CLIP1: variants seen among roughly 807,000 people sequenced by gnomAD.
CLIP1 encodes the protein CAP-Gly domain-containing linker protein 1.
A neutral mutation model predicts 161.6 loss-of-function variants in CLIP1; 66 were observed. The observed-to-expected ratio is 0.41, with a 90% CI of 0.33 to 0.50. CLIP1 has a LOEUF of 0.50. CLIP1 is among the 20% of genes least tolerant of loss of function. The probability of loss-of-function intolerance (pLI) is 0.27; values close to 1 mark genes in which losing one functional copy is unlikely to be tolerated. For missense variants in CLIP1, 1,376 were observed against 1,702.0 expected (o/e 0.81, Z 3.37); for synonymous variants, 598 against 626.2 (o/e 0.96, Z 0.67).
In CLIP1 at chr12:122,374,465, C is replaced by CA. The variant is rs773925243; in HGVS notation, c.657+2923dup. On this transcript the variant is annotated intron_variant, in intron 3 of 25. Coordinates refer to ENST00000620786, the MANE Select transcript of CLIP1 (RefSeq NM_001247997.2). ...GAAACCCCGTCTCTACTAAAAATACCAAAAAAAAAAATTAGCAGCCAGGCG... is the reference window on the plus strand; with the variant it reads ...GAAACCCCGTCTCTACTAAAAATACCAAAAAAAAAAAATTAGCAGCCAGGCG... 4.0e-3 allele frequency among the ~76,000 whole-genome samples: 508 copies of CA among 128,086 alleles called. 2 individuals are homozygous for CA. The highest frequency in any genetic ancestry group is 6.7e-3 in the Non-Finnish European group (399 of 59,342). The allele number at this position is 128,086 out of a possible 152,430, so 84.0% of individuals were successfully genotyped here.
intron 8 of CLIP1, among the ~76,000 whole-genome samples, chr12:122,352,206 C>T (rs1330689495): frequency 2.0e-5 from 3 of 151,862 alleles, no homozygotes; most frequent in African/African-American, 4.8e-5. Flanking sequence ...TACAGGCACC[C>T]GCCACCACGC....
At chr12:122,398,550 G>A (rs910599454) in intron 1 of CLIP1, among the ~76,000 whole-genome samples, 19 of 151,994 alleles carry the variant, frequency 1.3e-4, no homozygotes, top group African/African-American at 3.9e-4. Context: ...CATTTTACTC[G>A]TAAGAACAAA....
intron 1 of CLIP1, among the ~76,000 whole-genome samples, chr12:122,386,830 A>AG (rs911313921): frequency 7.3e-5 from 11 of 150,118 alleles, no homozygotes; most frequent in Admixed American, 6.0e-4. Flanking sequence ...TCTCAAAAAA[A>AG]AAAAAAAAAA....
chr12:122,322,343 A>G (rs1951540559), intron 17 of CLIP1: 1 of 152,618 alleles, frequency 6.6e-6, no homozygotes, highest in South Asian at 2.1e-4. Context: ...CTTCTCAGCC[A>G]GGAGGTTCTG....
chr12:122,365,292 C>A (rs1017044074), intron 3 of CLIP1: 23 of 764,826 alleles, frequency 3.0e-5, no homozygotes, highest in Middle Eastern at 2.8e-4. Flanking sequence ...CAAAGGAATG[C>A]GTACTGTTCA....
intron 10 of CLIP1, 90 bp downstream of exon 10, chr12:122,347,285 C>A: frequency 2.1e-6 from 2 of 959,574 alleles, no homozygotes; most frequent in South Asian, 1.5e-5. Context: ...ACCACTGGGT[C>A]AAGGCTCAGG....
intron 3 of CLIP1, among the ~76,000 whole-genome samples, chr12:122,377,161 C>T (rs1000542771): frequency 1.3e-5 from 2 of 151,940 alleles, no homozygotes; most frequent in Admixed American, 6.6e-5. Context: ...GGCGCCCCCA[C>T]CAATCCCAGC....
At chr12:122,381,715 G>A (rs1056168737) in intron 1 of CLIP1, among the ~76,000 whole-genome samples, 6 of 152,144 alleles carry the variant, frequency 3.9e-5, no homozygotes, top group Non-Finnish European at 8.8e-5. Flanking sequence ...CACAGCCAAC[G>A]CCAGCCACTG....
In CLIP1 at chr12:122,355,426, G is replaced by A. The variant is rs1953288770; in HGVS notation, c.1006-114C>T. 2 of 870,650 alleles carry A rather than the reference G, an allele frequency of 2.3e-6. No individual in the cohort carries two copies. Among genetic ancestry groups the A allele is most frequent in the Non-Finnish European group, 3.6e-6 (2 of 555,188 alleles). 53.9% of individuals were successfully genotyped at this position (870,650 alleles called of 1,614,324 possible). On this transcript the variant is annotated intron_variant, in intron 5 of 25. Coordinates refer to ENST00000620786, the MANE Select transcript of CLIP1 (RefSeq NM_001247997.2). This position sits in a 1 kb window ranked among gnomAD's most constrained non-coding sequence, Gnocchi z 4.1. ...GCAAAGCAAGGGCGCTGCTCCAGCTGGCAGGCTGGCCAGGATTAGGAAAGG... is the reference window on the plus strand; with the variant it reads ...GCAAAGCAAGGGCGCTGCTCCAGCTAGCAGGCTGGCCAGGATTAGGAAAGG...
chr12:122,379,459 C>CA (rs1179956368), intron 2 of CLIP1, among the ~76,000 whole-genome samples: 2 of 150,540 alleles, frequency 1.3e-5, no homozygotes, highest in African/African-American at 4.9e-5. Context: ...ACTAAAAATA[C>CA]AAAATTTAGC....
chr12:122,358,792 G>A (rs1953634405), intron 5 of CLIP1, among the ~76,000 whole-genome samples: 1 of 151,060 alleles, frequency 6.6e-6, no homozygotes, highest in Non-Finnish European at 1.5e-5. Context: ...GGTGGCTCAC[G>A]CCTCATGCCT....
chr12:122,339,814 T>C (rs1259438575), intron 11 of CLIP1, among the ~76,000 whole-genome samples: 1 of 152,228 alleles, frequency 6.6e-6, no homozygotes, highest in Non-Finnish European at 1.5e-5. Flanking sequence ...TATAGTCTAC[T>C]ACACACCTGG....
intron 15 of CLIP1, among the ~76,000 whole-genome samples, chr12:122,330,605 T>G (rs969067521): frequency 2.1e-5 from 3 of 139,874 alleles, no homozygotes; most frequent in Non-Finnish European, 3.1e-5. Flanking sequence ...CAGTTTTTTT[T>G]TTTTTTTTTT....
chr12:122,385,126 T>A (rs1460150502), intron 1 of CLIP1, among the ~76,000 whole-genome samples: 2 of 151,742 alleles, frequency 1.3e-5, no homozygotes, highest in African/African-American at 4.8e-5. Flanking sequence ...AGAGACGGGG[T>A]TTCACCATAT....
intron 1 of CLIP1, among the ~76,000 whole-genome samples, chr12:122,411,347 T>C (rs1298463394): frequency 6.6e-6 from 1 of 151,850 alleles, no homozygotes; most frequent in African/African-American, 2.4e-5. Context: ...ACCCAGGAGG[T>C]GGAGGTTGCA....
intron 19 of CLIP1, among the ~76,000 whole-genome samples, chr12:122,310,377 G>C (rs1206769010): frequency 6.6e-6 from 1 of 152,220 alleles, no homozygotes; most frequent in African/African-American, 2.4e-5. Flanking sequence ...TCAGAGTCAA[G>C]TGCTGATGTA....
At chr12:122,409,541 AT>A (rs1956450577) in intron 1 of CLIP1, among the ~76,000 whole-genome samples, 1 of 151,508 alleles carries the variant, frequency 6.6e-6, no homozygotes, top group African/African-American at 2.4e-5. Context: ...TTGGATTTTA[AT>A]TTTTTTCAAG....
chr12:122,418,592 G>GA (rs199967683), intron 1 of CLIP1, among the ~76,000 whole-genome samples: 7 of 151,548 alleles, frequency 4.6e-5, no homozygotes, highest in African/African-American at 1.2e-4. Context: ...ATCTCTACAG[G>GA]AAAAAAAATT....
intron 20 of CLIP1, among the ~76,000 whole-genome samples, chr12:122,303,566 T>C (rs1950765286): frequency 6.6e-6 from 1 of 152,170 alleles, no homozygotes; most frequent in Admixed American, 6.5e-5. Flanking sequence ...GTGATCTCTT[T>C]CCTGAGATTT....
Sources: allele counts gnomAD v4.1 joint callset (sites outside exome capture counted in the v4.1 genomes callset), GRCh38; gene constraint gnomAD v4.1.1; non-coding constraint Gnocchi (gnomAD v3.1); transcripts MANE v1.5; gene names NCBI Gene and HGNC (gene_info 2026-07-23, HGNC 2026-07-21).